FMNL2: variants seen among roughly 807,000 people sequenced by gnomAD.
FMNL2 encodes formin-like protein 2.
A neutral mutation model predicts 130.2 loss-of-function variants in FMNL2; 51 were observed. That is an observed-to-expected ratio of 0.39 (90% CI 0.31 to 0.49). The LOEUF (loss-of-function observed/expected upper bound fraction) is 0.49, where lower values mean the gene tolerates loss of function less well. FMNL2 is among the 20% of genes least tolerant of loss of function. The pLI is 0.85. For synonymous variants in FMNL2, 465 were observed against 467.1 expected (o/e 1.00, Z 0.06); for missense variants, 977 against 1,316.2 (o/e 0.74, Z 3.99).
chr2:152,571,456 C>T lies in FMNL2; in HGVS notation c.597-3680C>T, dbSNP rs563452829. Among the ~76,000 whole-genome samples, 14 of 152,260 alleles carry T rather than the reference C, an allele frequency of 9.2e-5. No homozygotes were observed. In the South Asian group the frequency reaches 2.9e-3, roughly 32 times the overall value. ...AGTATACCACAGTGAATTGGAGGGACACTCTCCAATTTGGTTCTGCTCAAA... is the reference window on the plus strand; with the variant it reads ...AGTATACCACAGTGAATTGGAGGGATACTCTCCAATTTGGTTCTGCTCAAA... On this transcript the variant is annotated intron_variant, in intron 6 of 25. Transcript: ENST00000288670.
At chr2:152,623,213 C>T (rs1681488680) in intron 15 of FMNL2, among the ~76,000 whole-genome samples, 1 of 152,204 alleles carries the variant, frequency 6.6e-6, no homozygotes, top group Non-Finnish European at 1.5e-5. Context: ...TTGGCACCAA[C>T]CTGTCACCTC....
At chr2:152,375,566 C>T (rs147362255) in intron 1 of FMNL2, among the ~76,000 whole-genome samples, 206 of 152,190 alleles carry the variant, frequency 1.4e-3, no homozygotes, top group African/African-American at 4.7e-3. Flanking sequence ...GATACCTCAT[C>T]TATACATATA....
intron 23 of FMNL2, 114 bp from the exon 24 acceptor site, chr2:152,639,840 AACCT>A: frequency 4.8e-6 from 3 of 621,404 alleles, no homozygotes; most frequent in East Asian, 3.6e-5. Context: ...AGATCTTCTC[AACCT>A]TCCATTTATT....
At chr2:152,543,720 C>A (rs1694447782) in intron 3 of FMNL2, among the ~76,000 whole-genome samples, 1 of 140,230 alleles carries the variant, frequency 7.1e-6, no homozygotes, top group Non-Finnish European at 1.5e-5. Flanking sequence ...TCACCGCCCA[C>A]CCCCCGACCA....
chr2:152,485,357 GGT>G (rs947329886), intron 1 of FMNL2, among the ~76,000 whole-genome samples: 1 of 152,176 alleles, frequency 6.6e-6, no homozygotes, highest in Non-Finnish European at 1.5e-5. Flanking sequence ...CAGGCATGGT[GGT>G]GTGCACCTGT....
intron 1 of FMNL2, among the ~76,000 whole-genome samples, chr2:152,426,455 A>C (rs11901392): frequency 0.27 from 41,298 of 152,158 alleles, 6,831 homozygotes; most frequent in African/African-American, 0.45. Context: ...GCCATGTGGC[A>C]GTGCACTTTC....
chr2:152,382,147 C>T (rs1684507567), intron 1 of FMNL2, among the ~76,000 whole-genome samples: 1 of 152,090 alleles, frequency 6.6e-6, no homozygotes, highest in African/African-American at 2.4e-5. Context: ...CTTTTTGAAG[C>T]ACTTAATAGG....
intron 1 of FMNL2, among the ~76,000 whole-genome samples, chr2:152,422,586 A>G (rs1347636616): frequency 6.6e-6 from 1 of 152,040 alleles, no homozygotes; most frequent in Non-Finnish European, 1.5e-5. Context: ...GTGTAATGAC[A>G]CCATCTTGGC....
intron 1 of FMNL2, among the ~76,000 whole-genome samples, chr2:152,411,185 G>T (rs1686272086): frequency 6.6e-6 from 1 of 152,166 alleles, no homozygotes. Context: ...GAGAGAATTT[G>T]ACAGAAGCAG....
chr2:152,361,884 T>C (rs1210893894), intron 1 of FMNL2, among the ~76,000 whole-genome samples: 27 of 152,212 alleles, frequency 1.8e-4, no homozygotes, highest in Admixed American at 1.8e-3. Flanking sequence ...GTCTTGTTAC[T>C]ATAAAGTTAT....
intron 1 of FMNL2, among the ~76,000 whole-genome samples, chr2:152,368,434 G>A (rs28524736): frequency 0.046 from 7,037 of 151,368 alleles, 269 homozygotes; most frequent in African/African-American, 0.097. Context: ...AGATCTAGGG[G>A]CATTTGGCTA....
intron 21 of FMNL2, among the ~76,000 whole-genome samples, chr2:152,634,708 G>C (rs566381293): frequency 2.0e-5 from 3 of 152,310 alleles, no homozygotes; most frequent in African/African-American, 7.2e-5. Flanking sequence ...AGCCCAATTT[G>C]TTCAACTTTT....
chr2:152,368,357 C>A (rs1683682529), intron 1 of FMNL2, among the ~76,000 whole-genome samples: 1 of 151,986 alleles, frequency 6.6e-6, no homozygotes, highest in South Asian at 2.1e-4. Flanking sequence ...CTGAAATGGG[C>A]AGAATACTCT....
intron 1 of FMNL2, among the ~76,000 whole-genome samples, chr2:152,361,167 G>GA (rs1432363850): frequency 6.6e-6 from 1 of 151,976 alleles, no homozygotes; most frequent in African/African-American, 2.4e-5. Flanking sequence ...TTTGTAAAAG[G>GA]CTTTTTTTTA....
At chr2:152,546,135 C>T (rs895170340) in intron 3 of FMNL2, among the ~76,000 whole-genome samples, 1 of 152,106 alleles carries the variant, frequency 6.6e-6, no homozygotes, top group Non-Finnish European at 1.5e-5. Flanking sequence ...TGATGGCATA[C>T]GTAAGGGATG....
At chr2:152,644,158 T>A (rs575547998) in intron 25 of FMNL2, among the ~76,000 whole-genome samples, 1 of 151,986 alleles carries the variant, frequency 6.6e-6, no homozygotes, top group Non-Finnish European at 1.5e-5. Flanking sequence ...GAGGTGGAGG[T>A]TGCAGTGAGT....
At chr2:152,394,720 G>GT (rs1685299224) in intron 1 of FMNL2, among the ~76,000 whole-genome samples, 1 of 63,274 alleles carries the variant, frequency 1.6e-5, no homozygotes. Flanking sequence ...TTAACTGTTG[G>GT]GTTTTTTTTT....
intron 1 of FMNL2, among the ~76,000 whole-genome samples, chr2:152,375,123 G>C (rs1014008975): frequency 2.6e-5 from 4 of 152,206 alleles, no homozygotes; most frequent in Admixed American, 1.3e-4. Context: ...GTGAGTTAAA[G>C]CCTTAGAGGA....
At chr2:152,395,177 C>T (rs147256459) in intron 1 of FMNL2, among the ~76,000 whole-genome samples, 11 of 152,300 alleles carry the variant, frequency 7.2e-5, no homozygotes, top group East Asian at 1.9e-4. Context: ...AGTCCTGCTC[C>T]GGTCAGCCCG....
Sources: allele counts gnomAD v4.1 joint callset (sites outside exome capture counted in the v4.1 genomes callset), GRCh38; gene constraint gnomAD v4.1.1; transcripts MANE v1.5; gene names NCBI Gene and HGNC (gene_info 2026-07-23, HGNC 2026-07-21).